Variants in CYB5A observed in about 807,000 individuals in gnomAD.
The protein encoded by CYB5A is cytochrome b5 type A.
CYB5A carries 10 observed loss-of-function variants against 16.2 expected under a neutral mutation model. That is an observed-to-expected ratio of 0.62 (90% CI 0.38 to 1.04). The LOEUF (loss-of-function observed/expected upper bound fraction) is 1.04. Ranked by LOEUF, CYB5A falls within the 50% of genes least tolerant of loss-of-function variation. The probability of loss-of-function intolerance (pLI) is 0.01; values close to 1 mark genes in which losing one functional copy is unlikely to be tolerated. For missense variants in CYB5A, 161 were observed against 165.9 expected, an observed-to-expected ratio of 0.97 and a Z score of 0.16; for synonymous variants, 62 against 57.0, an observed-to-expected ratio of 1.09 and a Z score of -0.40.
At chr18:74,275,252 C>G (rs894922649) in intron 1 of CYB5A, among the ~76,000 whole-genome samples, 5 of 152,150 alleles carry the variant, frequency 3.3e-5, no homozygotes, top group African/African-American at 9.7e-5. Flanking sequence ...GAATGGCCAA[C>G]AAAGAAAGAT....
chr18:74,281,744 T>C (rs1983110774), intron 1 of CYB5A, among the ~76,000 whole-genome samples: 2 of 62,112 alleles, frequency 3.2e-5, no homozygotes, highest in Non-Finnish European at 5.8e-5. Context: ...CAAGGGAGGC[T>C]GTGTGTGTGT....
At position 74,252,146 on chromosome 18, in the gene CYB5A, T is replaced by G. The variant is rs1386405660; in HGVS notation, c.*1438A>C. On this transcript the variant is annotated 3_prime_UTR_variant, in exon 5 of 5. Coordinates refer to ENST00000340533, the MANE Select transcript of CYB5A (RefSeq NM_148923.4). ...GCAAAGGCGGTGCATCCTATTTGAT[T>G]ATAAAGGTTGTACTCTGTAAGAACA... 1 of 152,224 alleles carries G rather than the reference T, an allele frequency of 6.6e-6. No homozygotes were observed. The highest frequency in any genetic ancestry group is 1.5e-5 in the Non-Finnish European group (1 of 68,040). 9.4% of individuals were successfully genotyped at this position (152,224 alleles called of 1,614,324 possible).
intron 1 of CYB5A, among the ~76,000 whole-genome samples, chr18:74,279,399 GCCAC>G (rs1983003407): frequency 6.6e-6 from 1 of 152,204 alleles, no homozygotes; most frequent in Non-Finnish European, 1.5e-5. Flanking sequence ...CATGGTGTCA[GCCAC>G]CTGTAATCCC....
intron 4 of CYB5A, 92 bp downstream of exon 4, chr18:74,255,649 C>T (rs757415214): frequency 9.5e-7 from 1 of 1,052,036 alleles, no homozygotes; most frequent in Non-Finnish European, 1.5e-6. Flanking sequence ...GTGTCAGGCC[C>T]AGGAACCCAG....
At chr18:74,281,489 A>G (rs1238306502) in intron 1 of CYB5A, among the ~76,000 whole-genome samples, 1 of 152,176 alleles carries the variant, frequency 6.6e-6, no homozygotes, top group Non-Finnish European at 1.5e-5. Flanking sequence ...GGAGGGAACC[A>G]GGAGAGGATG....
intron 1 of CYB5A, among the ~76,000 whole-genome samples, chr18:74,290,464 C>A (rs1046507298): frequency 1.3e-5 from 2 of 152,156 alleles, no homozygotes; most frequent in Admixed American, 6.5e-5. Flanking sequence ...AAGCTGGTCT[C>A]GAACTCCTAG....
intron 1 of CYB5A, among the ~76,000 whole-genome samples, chr18:74,264,677 C>T (rs760244192): frequency 9.2e-5 from 14 of 152,120 alleles, no homozygotes; most frequent in South Asian, 2.1e-4. Flanking sequence ...AATGGAGGCA[C>T]GGAGGCAGGG....
At chr18:74,263,960 G>A (rs1790891) in intron 1 of CYB5A, among the ~76,000 whole-genome samples, 1 of 151,950 alleles carries the variant, frequency 6.6e-6, no homozygotes, top group African/African-American at 2.4e-5. Context: ...GGCCGGGCAC[G>A]GTAGCTCACG....
chr18:74,282,742 G>T (rs1983167016), intron 1 of CYB5A, among the ~76,000 whole-genome samples: 1 of 152,184 alleles, frequency 6.6e-6, no homozygotes, highest in Non-Finnish European at 1.5e-5. Flanking sequence ...ATGTGATCAG[G>T]TGTGGGCATT....
intron 1 of CYB5A, among the ~76,000 whole-genome samples, chr18:74,270,086 C>T (rs980356056): frequency 4.6e-5 from 7 of 152,000 alleles, no homozygotes; most frequent in Admixed American, 6.5e-5. Context: ...TGGTCATGGC[C>T]GCACAGCCTC....
At chr18:74,260,496 A>G (rs1982155713) in intron 3 of CYB5A, 1 of 296,820 alleles carries the variant, frequency 3.4e-6, no homozygotes, top group Admixed American at 4.9e-5. Context: ...AACACCTACT[A>G]TGCCCAAGAG....
intron 1 of CYB5A, among the ~76,000 whole-genome samples, chr18:74,267,728 T>C (rs1353319980): frequency 2.6e-5 from 4 of 152,094 alleles, no homozygotes; most frequent in African/African-American, 9.7e-5. Context: ...ATAGGTAAGA[T>C]TAGAGGTAAC....
intron 1 of CYB5A, among the ~76,000 whole-genome samples, chr18:74,285,434 A>G (rs1599268237): frequency 6.6e-6 from 1 of 152,236 alleles, no homozygotes; most frequent in African/African-American, 2.4e-5. Flanking sequence ...GGGATAAAAA[A>G]TTATTCCATA....
chr18:74,266,159 G>A (rs987151533), intron 1 of CYB5A, among the ~76,000 whole-genome samples: 6 of 152,194 alleles, frequency 3.9e-5, no homozygotes, highest in South Asian at 2.1e-4. Context: ...AAGCCAACCC[G>A]AAACTTCTGG....
At chr18:74,288,609 C>T (rs960740758) in intron 1 of CYB5A, among the ~76,000 whole-genome samples, 3 of 152,206 alleles carry the variant, frequency 2.0e-5, no homozygotes, top group African/African-American at 7.2e-5. Flanking sequence ...TTTAAAAGTA[C>T]GTTTCAGACA....
intron 1 of CYB5A, among the ~76,000 whole-genome samples, chr18:74,286,773 T>C (rs942630875): frequency 2.6e-5 from 4 of 152,228 alleles, no homozygotes; most frequent in Non-Finnish European, 4.4e-5. Context: ...CTTTTCAGAA[T>C]ACCAGACATT....
At chr18:74,256,971 G>A in intron 3 of CYB5A, 1 of 842,348 alleles carries the variant, frequency 1.2e-6, no homozygotes, top group Non-Finnish European at 1.9e-6. Flanking sequence ...TACAGCAAGA[G>A]GATTTTCCAA....
chr18:74,279,543 TAATAAATAAA>T (rs1419531136), intron 1 of CYB5A, among the ~76,000 whole-genome samples: 1 of 150,078 alleles, frequency 6.7e-6, no homozygotes. Flanking sequence ...AATAAATAAA[TAATAAATAAA>T]AATAAATAAA....
intron 1 of CYB5A, 68 bp downstream of exon 1, chr18:74,291,679 G>C (rs944635331): frequency 2.5e-6 from 4 of 1,608,260 alleles, no homozygotes; most frequent in African/African-American, 2.7e-5. Context: ...CGAAAGACAG[G>C]TCATGCCAGT....
Sources: gnomAD v4.1 joint callset for allele counts (sites outside exome capture counted in the v4.1 genomes callset) on GRCh38, gnomAD v4.1.1 for gene constraint, MANE v1.5 for transcripts, NCBI Gene and HGNC (gene_info 2026-07-23, HGNC 2026-07-21) for gene names.